The following CNTN5 variants were observed in gnomAD, a reference collection of about 807,000 sequenced individuals.
CNTN5 encodes contactin 5.
Under a neutral mutation model 129.1 loss-of-function variants are expected in CNTN5, and 77 were observed. That is an observed-to-expected ratio of 0.60 (90% confidence interval 0.50 to 0.72). The LOEUF (loss-of-function observed/expected upper bound fraction) is 0.72, where lower values mean the gene tolerates loss of function less well. Ranked by LOEUF, CNTN5 falls within the 30% of genes least tolerant of loss-of-function variation. The pLI, the probability that CNTN5 is intolerant of heterozygous loss-of-function variation, is 0.00. For synonymous variants in CNTN5, 509 were observed against 465.6 expected (o/e 1.09, Z -1.20); for missense variants, 1,478 against 1,328.8 (o/e 1.11, Z -1.75).
intron 21 of CNTN5, among the ~76,000 whole-genome samples, chr11:100,324,925 T>C (rs1345705527): frequency 6.6e-6 from 1 of 152,184 alleles, no homozygotes. Context: ...TAAAATTACC[T>C]CTGGGCACAA....
rs948356963 is a variant in CNTN5, at chr11:100,341,306, A to AT, written c.3030+107dup. 6.3e-6 allele frequency: 5 copies of AT among 794,798 alleles called. No homozygotes were observed. In the East Asian group the frequency reaches 1.0e-4, roughly 16 times the overall value. 49.2% of individuals were successfully genotyped at this position (794,798 alleles called of 1,614,324 possible). A position where few individuals can be genotyped will look rare whatever the true frequency, so the allele number is the denominator to read the frequency against. On this transcript the variant is annotated intron_variant, in intron 23 of 24. Coordinates refer to ENST00000524871, the MANE Select transcript of CNTN5 (RefSeq NM_014361.4). ...CATAAAAAGACCCATTAACCAACCT[A>AT]TTTTTTCTCAGTCATTTTCTATCTG...
At chr11:100,273,296 C>T (rs2138790034) in intron 18 of CNTN5, among the ~76,000 whole-genome samples, 2 of 152,238 alleles carry the variant, frequency 1.3e-5, no homozygotes, top group Non-Finnish European at 2.9e-5. Flanking sequence ...TCCCCGACAT[C>T]CCTCCATGGG....
At chr11:99,098,446 A>G (rs937076570) in intron 1 of CNTN5, among the ~76,000 whole-genome samples, 2 of 152,002 alleles carry the variant, frequency 1.3e-5, no homozygotes, top group Admixed American at 6.6e-5. Flanking sequence ...AGACCACAAC[A>G]CTAGTGGCTG....
chr11:99,062,288 G>T (rs1307007619), intron 1 of CNTN5, among the ~76,000 whole-genome samples: 2 of 152,222 alleles, frequency 1.3e-5, no homozygotes, highest in Admixed American at 1.3e-4. Context: ...AAATCCAAAA[G>T]GGACAATTAT....
At chr11:99,967,344 G>A (rs186921761) in intron 8 of CNTN5, among the ~76,000 whole-genome samples, 1 of 152,272 alleles carries the variant, frequency 6.6e-6, no homozygotes, top group East Asian at 1.9e-4. Flanking sequence ...ATTCACAAAT[G>A]TGTATTGTCT....
At chr11:99,599,652 T>C (rs1052674486) in intron 3 of CNTN5, among the ~76,000 whole-genome samples, 4 of 152,152 alleles carry the variant, frequency 2.6e-5, no homozygotes, top group African/African-American at 4.8e-5. Context: ...CCAAGGTTAA[T>C]ATGTTCACAT....
intron 1 of CNTN5, among the ~76,000 whole-genome samples, chr11:99,242,584 C>T (rs1343403253): frequency 6.6e-6 from 1 of 152,144 alleles, no homozygotes; most frequent in South Asian, 2.1e-4. Context: ...GATTCTGTCA[C>T]ACAGGTACTA....
intron 1 of CNTN5, among the ~76,000 whole-genome samples, chr11:99,092,934 T>A (rs187718800): frequency 6.6e-6 from 1 of 152,078 alleles, no homozygotes; most frequent in Non-Finnish European, 1.5e-5. Flanking sequence ...ATTAACTGTT[T>A]AAGAAACTAA....
intron 2 of CNTN5, among the ~76,000 whole-genome samples, chr11:99,369,453 TG>T (rs1939696885): frequency 6.6e-6 from 1 of 151,314 alleles, no homozygotes; most frequent in Non-Finnish European, 1.5e-5. Context: ...CAACAGTAAT[TG>T]GGAATATTAA....
intron 7 of CNTN5, among the ~76,000 whole-genome samples, chr11:99,938,310 A>G (rs900765926): frequency 2.6e-5 from 4 of 152,146 alleles, no homozygotes; most frequent in East Asian, 1.9e-4. Flanking sequence ...CTTCGTTTCA[A>G]TAGAATAAAA....
chr11:99,128,163 A>T (rs1186797676), intron 1 of CNTN5, among the ~76,000 whole-genome samples: 1 of 152,202 alleles, frequency 6.6e-6, no homozygotes, highest in African/African-American at 2.4e-5. Flanking sequence ...CCACGCCCAC[A>T]GAACCCCACA....
At chr11:100,131,385 CT>C (rs1946375152) in intron 13 of CNTN5, among the ~76,000 whole-genome samples, 1 of 151,876 alleles carries the variant, frequency 6.6e-6, no homozygotes, top group Non-Finnish European at 1.5e-5. Flanking sequence ...GAAACATATG[CT>C]TTTTACTGAG....
rs529490032 is a variant in CNTN5 at position 100,091,769 on chromosome 11, CA to C, written c.1580+17476del. On this transcript the variant is annotated intron_variant, in intron 13 of 24. Transcript: ENST00000524871. ...TTTGTCTCACTAACTAAAATTGAATCAGGGGGCTTGTTTGCTTTTCATTCAG... is the reference window on the plus strand; with the variant it reads ...TTTGTCTCACTAACTAAAATTGAATCGGGGGCTTGTTTGCTTTTCATTCAG... 5.3e-5 allele frequency among the ~76,000 whole-genome samples: 8 copies of C among 152,128 alleles called. No homozygotes were observed. The South Asian group carries it at 6.2e-4, about 12-fold the overall frequency.
At chr11:99,865,303 A>G (rs1385659330) in intron 6 of CNTN5, among the ~76,000 whole-genome samples, 1 of 152,124 alleles carries the variant, frequency 6.6e-6, no homozygotes, top group Non-Finnish European at 1.5e-5. Flanking sequence ...AATTCTCAAG[A>G]ATAAAGAACA....
chr11:99,196,457 G>C (rs545000707), intron 1 of CNTN5, among the ~76,000 whole-genome samples: 22 of 151,920 alleles, frequency 1.4e-4, no homozygotes, highest in South Asian at 4.2e-4. Flanking sequence ...TTTGTTTTAT[G>C]TTTAGATATT....
chr11:99,980,180 G>A (rs1033739230), intron 8 of CNTN5, among the ~76,000 whole-genome samples: 4 of 152,074 alleles, frequency 2.6e-5, no homozygotes, highest in African/African-American at 4.8e-5. Context: ...AGGGAGAAGT[G>A]GATTCCAGCC....
In CNTN5 at chr11:99,081,936, T is replaced by C. The variant is rs530339117; in HGVS notation, c.-210+60666T>C. On this transcript the variant is annotated intron_variant, in intron 1 of 24. Coordinates refer to ENST00000524871, the MANE Select transcript of CNTN5 (RefSeq NM_014361.4). The stretch of plus-strand genomic sequence containing the variant: ...ATAATATCATTTTATTAAACTAAAA[T>C]GAAATTCATAGATAATATAACATAC... 3.3e-5 allele frequency among the ~76,000 whole-genome samples: 5 copies of C among 152,272 alleles called. No individual in the cohort carries two copies. In the South Asian group the frequency reaches 6.2e-4, roughly 19 times the overall value.
At chr11:99,637,653 T>C (rs2135827105) in intron 3 of CNTN5, among the ~76,000 whole-genome samples, 1 of 152,230 alleles carries the variant, frequency 6.6e-6, no homozygotes, top group Non-Finnish European at 1.5e-5. Context: ...CTCACGTTTT[T>C]TGAGTATATT....
intron 1 of CNTN5, among the ~76,000 whole-genome samples, chr11:99,324,028 A>G (rs899867936): frequency 3.3e-5 from 5 of 152,190 alleles, no homozygotes; most frequent in African/African-American, 9.6e-5. Context: ...TAGACTTGAT[A>G]TCAGAAATGC....
Sources: allele counts gnomAD v4.1 joint callset (sites outside exome capture counted in the v4.1 genomes callset), GRCh38; gene constraint gnomAD v4.1.1; transcripts MANE v1.5; gene names NCBI Gene and HGNC (gene_info 2026-07-23, HGNC 2026-07-21).